TESMIN: variants seen among roughly 807,000 people sequenced by gnomAD.
TESMIN encodes the protein testis expressed metallothionein like protein.
In TESMIN, 34 loss-of-function variants were observed where a neutral mutation model predicts 47.4. The observed-to-expected ratio is 0.72, with a 90% CI of 0.55 to 0.96. The LOEUF (loss-of-function observed/expected upper bound fraction) is 0.96, where lower values mean the gene tolerates loss of function less well. TESMIN is among the 40% of genes least tolerant of loss of function. The pLI, the probability that TESMIN is intolerant of heterozygous loss-of-function variation, is 0.00. For missense variants in TESMIN, 610 were observed against 637.2 expected, an observed-to-expected ratio of 0.96 and a Z score of 0.46; for synonymous variants, 278 against 258.9, an observed-to-expected ratio of 1.07 and a Z score of -0.71.
At chr11:68,742,213 A>G in intron 5 of TESMIN, 105 bp downstream of exon 5, 2 of 742,024 alleles carry the variant, frequency 2.7e-6, no homozygotes, top group Non-Finnish European at 4.3e-6. Flanking sequence ...TTGACTTTTA[A>G]ATGGAAAATA....
intron 6 of TESMIN, among the ~76,000 whole-genome samples, chr11:68,725,554 C>T (rs1246603053): frequency 6.6e-6 from 1 of 151,938 alleles, no homozygotes. Flanking sequence ...ACTCATGATA[C>T]CCTCTGTCAG....
intron 6 of TESMIN, among the ~76,000 whole-genome samples, chr11:68,722,778 C>T (rs1343665033): frequency 2.0e-5 from 3 of 152,118 alleles, no homozygotes; most frequent in Non-Finnish European, 2.9e-5. Context: ...ACATTACCGT[C>T]GGACAGAAAA....
intron 6 of TESMIN, among the ~76,000 whole-genome samples, chr11:68,733,342 G>A (rs376200788): frequency 2.6e-4 from 40 of 152,302 alleles, no homozygotes; most frequent in African/African-American, 9.1e-4. Context: ...CAATGACATC[G>A]TTAGCACTTG....
chr11:68,726,187 G>A (rs1029969558), intron 6 of TESMIN, among the ~76,000 whole-genome samples: 2 of 152,176 alleles, frequency 1.3e-5, no homozygotes, highest in Non-Finnish European at 2.9e-5. Flanking sequence ...CAGAACTGCG[G>A]AGGGCTCTAT....
chr11:68,715,198 T>C (rs1458991177), intron 7 of TESMIN, among the ~76,000 whole-genome samples: 1 of 152,240 alleles, frequency 6.6e-6, no homozygotes, highest in Non-Finnish European at 1.5e-5. Flanking sequence ...AGTGTCTCCC[T>C]GGAGTAGGTT....
intron 5 of TESMIN, among the ~76,000 whole-genome samples, chr11:68,740,980 T>C (rs754934095): frequency 2.6e-5 from 4 of 152,228 alleles, no homozygotes; most frequent in African/African-American, 9.6e-5. Context: ...GCTGAAAACC[T>C]TGGGCGCATC....
chr11:68,712,741 CTG>C (rs1946087981), intron 8 of TESMIN, among the ~76,000 whole-genome samples: 1 of 152,238 alleles, frequency 6.6e-6, no homozygotes, highest in Non-Finnish European at 1.5e-5. Context: ...CTTAGGCTGG[CTG>C]TCCATTCTGG....
downstream of TESMIN, among the ~76,000 whole-genome samples, chr11:68,706,304 G>A (rs1200037975): frequency 1.3e-5 from 2 of 152,222 alleles, no homozygotes; most frequent in African/African-American, 2.4e-5. Context: ...ACCCTGCAGG[G>A]CTCGTGCCTG....
chr11:68,728,374 G>C (rs1946289690), intron 6 of TESMIN, among the ~76,000 whole-genome samples: 1 of 152,206 alleles, frequency 6.6e-6, no homozygotes. Context: ...TTCCGTTAAG[G>C]CTGAGAGAGG....
chr11:68,705,854 C>A (rs1462770825), downstream of TESMIN, among the ~76,000 whole-genome samples: 1 of 152,036 alleles, frequency 6.6e-6, no homozygotes, highest in African/African-American at 2.4e-5. Flanking sequence ...GAAACCCCAC[C>A]TCTACTAAAA....
intron 6 of TESMIN, among the ~76,000 whole-genome samples, chr11:68,734,114 C>T (rs754964185): frequency 6.6e-6 from 1 of 152,204 alleles, no homozygotes; most frequent in Non-Finnish European, 1.5e-5. Flanking sequence ...ATAGATGAAG[C>T]GTCGTTCATC....
At chr11:68,745,199 G>C (rs899153019) in intron 3 of TESMIN, 88 bp from the exon 4 acceptor site, 1 of 1,263,402 alleles carries the variant, frequency 7.9e-7, no homozygotes, top group African/African-American at 1.6e-5. Context: ...TGAGAAAATA[G>C]CTTTAATCCA....
chr11:68,731,481 T>C (rs1946326860), intron 6 of TESMIN, among the ~76,000 whole-genome samples: 3 of 152,104 alleles, frequency 2.0e-5, no homozygotes, highest in East Asian at 1.9e-4. Context: ...TTTATCTCTA[T>C]TGATGGCAAT....
intron 6 of TESMIN, among the ~76,000 whole-genome samples, chr11:68,719,003 T>A (rs1946173926): frequency 6.6e-6 from 1 of 152,206 alleles, no homozygotes; most frequent in African/African-American, 2.4e-5. Flanking sequence ...AATGAGGCTG[T>A]GAATCCCACA....
chr11:68,745,910 G>T (rs1946514724), intron 3 of TESMIN, among the ~76,000 whole-genome samples: 1 of 152,180 alleles, frequency 6.6e-6, no homozygotes, highest in African/African-American at 2.4e-5. Context: ...GAGATGCTGT[G>T]GCTTCTGCCT....
At chr11:68,744,024 T>C (rs933598932) in intron 4 of TESMIN, among the ~76,000 whole-genome samples, 1 of 152,216 alleles carries the variant, frequency 6.6e-6, no homozygotes, top group African/African-American at 2.4e-5. Flanking sequence ...AGATCAGAGA[T>C]GCAGCATGAA....
intron 6 of TESMIN, among the ~76,000 whole-genome samples, chr11:68,719,837 G>A (rs1274885710): frequency 1.3e-5 from 2 of 152,212 alleles, no homozygotes; most frequent in African/African-American, 2.4e-5. Context: ...AGTTAGAGAG[G>A]CTAACGTGTC....
At chr11:68,705,171 A>G (rs2153990340), downstream of TESMIN, among the ~76,000 whole-genome samples, 1 of 152,244 alleles carries the variant, frequency 6.6e-6, no homozygotes, top group East Asian at 1.9e-4. Context: ...TGCCTTCCTA[A>G]AGAGCGCGCC....
intron 6 of TESMIN, among the ~76,000 whole-genome samples, chr11:68,722,011 T>A (rs1178391757): frequency 6.6e-6 from 1 of 151,480 alleles, no homozygotes; most frequent in Non-Finnish European, 1.5e-5. Context: ...CTCAACCAGA[T>A]ACCTGCTACA....
Sources: gnomAD v4.1 joint callset for allele counts (sites outside exome capture counted in the v4.1 genomes callset) on GRCh38, gnomAD v4.1.1 for gene constraint, MANE v1.5 for transcripts, NCBI Gene and HGNC (gene_info 2026-07-23, HGNC 2026-07-21) for gene names.